The following CAMK4 variants were observed in gnomAD, a reference collection of about 807,000 sequenced individuals.
The protein encoded by CAMK4 is calcium/calmodulin dependent protein kinase IV.
A neutral mutation model predicts 44.9 loss-of-function variants in CAMK4; 22 were observed. The observed-to-expected ratio is 0.49, with a 90% CI of 0.35 to 0.70. The LOEUF (loss-of-function observed/expected upper bound fraction) is 0.70. CAMK4 is among the 30% of genes least tolerant of loss of function. CAMK4 has a pLI of 0.01. For synonymous variants in CAMK4, 218 were observed against 215.4 expected, an observed-to-expected ratio of 1.01 and a Z score of -0.11; for missense variants, 498 against 586.8, an observed-to-expected ratio of 0.85 and a Z score of 1.56.
chr5:111,297,395 C>A (rs776039205), intron 1 of CAMK4, among the ~76,000 whole-genome samples: 5 of 152,136 alleles, frequency 3.3e-5, no homozygotes, highest in Non-Finnish European at 7.3e-5. Flanking sequence ...TAGCTCACTG[C>A]ACTTCGTCAA....
chr5:111,435,538 C>T (rs992248280), intron 5 of CAMK4, among the ~76,000 whole-genome samples: 2 of 152,166 alleles, frequency 1.3e-5, no homozygotes, highest in African/African-American at 4.8e-5. Context: ...CTTCTCTGGA[C>T]AATGCAAACA....
chr5:111,402,839 A>G (rs1474881115), intron 5 of CAMK4, among the ~76,000 whole-genome samples: 3 of 152,210 alleles, frequency 2.0e-5, no homozygotes, highest in Non-Finnish European at 1.5e-5. Context: ...TGTAATTATG[A>G]AGAGAAACAT....
intron 4 of CAMK4, among the ~76,000 whole-genome samples, chr5:111,393,236 T>C (rs1437620140): frequency 6.6e-6 from 1 of 152,168 alleles, no homozygotes; most frequent in East Asian, 1.9e-4. Flanking sequence ...TGGAGCATAA[T>C]TGAACATGCA....
At chr5:111,470,023 T>C (rs936096998) in intron 7 of CAMK4, among the ~76,000 whole-genome samples, 3 of 152,248 alleles carry the variant, frequency 2.0e-5, no homozygotes, top group Non-Finnish European at 2.9e-5. Context: ...AAGACCTGCA[T>C]GGAGAAGGAC....
At chr5:111,477,256 CCAGAATAT>C (rs1438943287) in intron 8 of CAMK4, among the ~76,000 whole-genome samples, 2 of 152,164 alleles carry the variant, frequency 1.3e-5, no homozygotes, top group Non-Finnish European at 2.9e-5. Flanking sequence ...CTCACTGGCT[CCAGAATAT>C]CTGGAAGAGA....
intron 1 of CAMK4, among the ~76,000 whole-genome samples, chr5:111,293,820 C>T (rs1311425617): frequency 6.9e-6 from 1 of 145,930 alleles, no homozygotes; most frequent in Non-Finnish European, 1.5e-5. Context: ...GATCTCGGCT[C>T]ACTGCAAGCT....
At chr5:111,439,854 C>A (rs1753766347) in intron 5 of CAMK4, among the ~76,000 whole-genome samples, 1 of 152,190 alleles carries the variant, frequency 6.6e-6, no homozygotes, top group African/African-American at 2.4e-5. Flanking sequence ...ATGCCAGGAA[C>A]ACTGGCCTAT....
At chr5:111,382,063 A>G (rs1751436337) in intron 4 of CAMK4, among the ~76,000 whole-genome samples, 1 of 152,132 alleles carries the variant, frequency 6.6e-6, no homozygotes, top group Non-Finnish European at 1.5e-5. Context: ...AAGAAAATAA[A>G]TATCTGTTTA....
chr5:111,475,723 G>A (rs761673512), intron 8 of CAMK4, among the ~76,000 whole-genome samples: 79 of 152,302 alleles, frequency 5.2e-4, no homozygotes, highest in Non-Finnish European at 9.7e-4. Flanking sequence ...GCCTGAGGAC[G>A]TTTTATTTAC....
At chr5:111,316,612 A>T (rs1437955445) in intron 1 of CAMK4, among the ~76,000 whole-genome samples, 1 of 152,122 alleles carries the variant, frequency 6.6e-6, no homozygotes, top group Non-Finnish European at 1.5e-5. Flanking sequence ...AGGCGTAGAG[A>T]TAGTGTCATG....
intron 5 of CAMK4, among the ~76,000 whole-genome samples, chr5:111,444,046 C>A (rs1753944556): frequency 6.6e-6 from 1 of 152,180 alleles, no homozygotes; most frequent in African/African-American, 2.4e-5. Flanking sequence ...TCATTACCTT[C>A]CTTTCCAGTA....
At chr5:111,355,240 T>C (rs1042927918) in intron 2 of CAMK4, among the ~76,000 whole-genome samples, 8 of 152,096 alleles carry the variant, frequency 5.3e-5, no homozygotes, top group East Asian at 3.9e-4. Flanking sequence ...TTGATTTTCA[T>C]AGGGACTATC....
Position 111,253,210 on chromosome 5 carries a change from T to C in CAMK4, c.161+28566T>C, listed in dbSNP as rs994734150. 8.5e-5 allele frequency among the ~76,000 whole-genome samples: 13 copies of C among 152,332 alleles called. 1 individual carries two copies. The highest frequency in any genetic ancestry group is 4.1e-4 in the South Asian group (2 of 4,820). On this transcript the variant is annotated intron_variant, in intron 1 of 10. Coordinates refer to ENST00000282356, the MANE Select transcript of CAMK4 (RefSeq NM_001744.6). ...ACAAATGTCTGCATGGATGGTAATT[T>C]AGTGCACCTTTCCTGTCCCATCATT...
intron 7 of CAMK4, among the ~76,000 whole-genome samples, chr5:111,457,233 A>T (rs192602636): frequency 2.0e-5 from 3 of 152,214 alleles, no homozygotes; most frequent in Non-Finnish European, 4.4e-5. Flanking sequence ...TTTATTAAAA[A>T]TAAACAATAA....
Position 111,249,610 on chromosome 5 carries a change from G to T in CAMK4, c.161+24966G>T, listed in dbSNP as rs1749390073. Among the ~76,000 whole-genome samples the T allele has an allele frequency of 2.9e-5, 4 of 139,076 alleles. No individual in the cohort carries two copies. The South Asian group carries it at 9.3e-4, about 32-fold the overall frequency. The allele number at this position is 139,076 out of a possible 152,430, so 91.2% of individuals were successfully genotyped here. A position where few individuals can be genotyped will look rare whatever the true frequency, so the allele number is the denominator to read the frequency against. On this transcript the variant is annotated intron_variant, in intron 1 of 10. Transcript: ENST00000282356. The stretch of plus-strand genomic sequence containing the variant: ...ATGGTTACTATTCATTTTATTCTTG[G>T]TTCTTTTATATTTGTGTGTATATAT...
chr5:111,296,853 C>T (rs1465350099), intron 1 of CAMK4, among the ~76,000 whole-genome samples: 1 of 152,154 alleles, frequency 6.6e-6, no homozygotes, highest in Non-Finnish European at 1.5e-5. Context: ...GCATAATACC[C>T]AATTGATTAT....
At chr5:111,298,350 T>C (rs559288238) in intron 1 of CAMK4, among the ~76,000 whole-genome samples, 2 of 152,348 alleles carry the variant, frequency 1.3e-5, no homozygotes, top group South Asian at 2.1e-4. Flanking sequence ...TTAGATTATT[T>C]TGAATACTGT....
chr5:111,255,554 C>T (rs1429431940), intron 1 of CAMK4, among the ~76,000 whole-genome samples: 1 of 152,124 alleles, frequency 6.6e-6, no homozygotes. Flanking sequence ...TTTAAAAAAG[C>T]CATGATCTAA....
chr5:111,320,042 A>C (rs999904511), intron 1 of CAMK4, among the ~76,000 whole-genome samples: 8 of 152,184 alleles, frequency 5.3e-5, no homozygotes, highest in Admixed American at 2.0e-4. Flanking sequence ...TTTATGTGCC[A>C]TACGAGACGG....
Sources: allele counts gnomAD v4.1 joint callset (sites outside exome capture counted in the v4.1 genomes callset), GRCh38; gene constraint gnomAD v4.1.1; transcripts MANE v1.5; gene names NCBI Gene and HGNC (gene_info 2026-07-23, HGNC 2026-07-21).